Variants in CCDC13 observed in about 807,000 individuals in gnomAD.
CCDC13 encodes coiled-coil domain containing 13.
CCDC13 carries 70 observed loss-of-function variants against 87.3 expected under a neutral mutation model. The ratio of observed to expected loss-of-function variants is 0.80; its 90% CI spans 0.66 to 0.98. CCDC13 has a LOEUF of 0.98. Ranked by LOEUF, CCDC13 falls within the 50% of genes least tolerant of loss-of-function variation. The pLI is 0.00. For synonymous variants in CCDC13, 317 were observed against 360.3 expected, an observed-to-expected ratio of 0.88 and a Z score of 1.36; for missense variants, 842 against 892.0, an observed-to-expected ratio of 0.94 and a Z score of 0.71.
intron 6 of CCDC13, chr3:42,746,379 T>C: frequency 4.2e-6 from 1 of 238,946 alleles, no homozygotes; most frequent in Non-Finnish European, 8.3e-6. Flanking sequence ...AGTGCTGAGC[T>C]AATTCTGGCT....
chr3:42,730,023 G>C (rs1208691080), intron 13 of CCDC13, among the ~76,000 whole-genome samples: 1 of 152,056 alleles, frequency 6.6e-6, no homozygotes, highest in Non-Finnish European at 1.5e-5. Flanking sequence ...CTCAGGCCTC[G>C]TGCTTCCCTC....
chr3:42,732,240 C>T (rs11129969), intron 12 of CCDC13, among the ~76,000 whole-genome samples: 35,309 of 152,096 alleles, frequency 0.23, 4,361 homozygotes, highest in Non-Finnish European at 0.28. Flanking sequence ...CCCCACTTTT[C>T]GGGGATAGCA....
chr3:42,744,786 T>C (rs1484451963), intron 7 of CCDC13, among the ~76,000 whole-genome samples: 3 of 117,124 alleles, frequency 2.6e-5, no homozygotes, highest in East Asian at 4.8e-4. Context: ...GCCTGGGTGA[T>C]AGAGCGAGAC....
At position 42,713,128 on chromosome 3, in the gene CCDC13, C is replaced by A. The variant is rs558135348; in HGVS notation, c.1873+34G>T. On this transcript the variant is annotated intron_variant, in intron 14 of 15. Transcript: ENST00000310232. ...TCTGTTAGCAGCAACACTGCCTCCA[C>A]CCCCTGCACTGAGACTACTGCCCTG... 603 of 1,604,918 alleles carry A rather than the reference C, an allele frequency of 3.8e-4. 8 individuals carry two copies. In the South Asian group the frequency reaches 6.0e-3, roughly 16 times the overall value.
chr3:42,762,481 G>C (rs1294319616), intron 1 of CCDC13, among the ~76,000 whole-genome samples: 1 of 152,180 alleles, frequency 6.6e-6, no homozygotes, highest in Non-Finnish European at 1.5e-5. Context: ...GCTGGAGGGG[G>C]CTGGAGATCG....
At chr3:42,718,281 G>A (rs1388578739) in intron 13 of CCDC13, 1 of 152,176 alleles carries the variant, frequency 6.6e-6, no homozygotes, top group African/African-American at 2.4e-5. Flanking sequence ...TGTCCTCACT[G>A]CTACACTCCC....
At chr3:42,721,059 G>A (rs984871664) in intron 13 of CCDC13, among the ~76,000 whole-genome samples, 3 of 152,186 alleles carry the variant, frequency 2.0e-5, no homozygotes, top group African/African-American at 7.2e-5. Flanking sequence ...ATATGAAATA[G>A]TGTTTGGCTT....
rs979638535 is a variant in CCDC13, at chr3:42,736,751, C to A, written c.1165-838G>T. On this transcript the variant is annotated intron_variant, in intron 9 of 15. Transcript: ENST00000310232. ...GGTAGGTGCCTGAGCCAGCACCCCC[C>A]AAACACCCCAGCCAAGCCAGACATG... is the stretch of plus-strand genomic sequence containing the variant. 5.9e-5 allele frequency among the ~76,000 whole-genome samples: 9 copies of A among 152,086 alleles called. No homozygotes were observed. The East Asian group carries it at 1.5e-3, about 26-fold the overall frequency.
intron 1 of CCDC13, among the ~76,000 whole-genome samples, chr3:42,767,819 A>G (rs1176075341): frequency 1.3e-5 from 2 of 152,128 alleles, no homozygotes; most frequent in Admixed American, 6.6e-5. Context: ...TACTAAAAAT[A>G]CAAAAATTGC....
At chr3:42,759,621 T>C (rs1699787302) in intron 1 of CCDC13, among the ~76,000 whole-genome samples, 1 of 152,214 alleles carries the variant, frequency 6.6e-6, no homozygotes, top group African/African-American at 2.4e-5. Flanking sequence ...TTGCACACAT[T>C]ATAAGCTCAT....
At chr3:42,724,859 C>G (rs1004972458) in intron 13 of CCDC13, among the ~76,000 whole-genome samples, 1 of 152,028 alleles carries the variant, frequency 6.6e-6, no homozygotes, top group Non-Finnish European at 1.5e-5. Flanking sequence ...AGGTTTCCCC[C>G]TACCTAAGAA....
chr3:42,752,568 C>T lies in CCDC13; in HGVS notation c.513+7G>A. 6 of 1,614,060 alleles carry T rather than the reference C, an allele frequency of 3.7e-6. No individual in the cohort carries two copies. Among genetic ancestry groups the T allele is most frequent in the Non-Finnish European group, 5.1e-6 (6 of 1,180,024 alleles). Reference sequence around the variant, plus strand: ...CCTCCAGAGGGAGAATGACCAAGGCCCCTCACTTCCCGCTCCAGCTCCTGG... The same window carrying T: ...CCTCCAGAGGGAGAATGACCAAGGCTCCTCACTTCCCGCTCCAGCTCCTGG... On this transcript the variant is annotated splice_region_variant and intron_variant, in intron 4 of 15. Transcript: ENST00000310232.
At position 42,717,629 on chromosome 3, in the gene CCDC13, G is replaced by A. The variant is rs532045922; in HGVS notation, c.1719-4313C>T. On this transcript the variant is annotated intron_variant, in intron 13 of 15. Transcript: ENST00000310232. ...ATGGTTAAAATGACAAATGTTTGGT[G>A]TATATAGCTTACCACAATTAAAACA... Among the ~76,000 whole-genome samples the A allele has an allele frequency of 3.3e-5, 5 of 152,306 alleles. No individual in the cohort carries two copies. The East Asian group carries it at 9.6e-4, about 29-fold the overall frequency.
At chr3:42,731,476 TG>T (rs2125882274) in intron 12 of CCDC13, among the ~76,000 whole-genome samples, 1 of 152,170 alleles carries the variant, frequency 6.6e-6, no homozygotes, top group African/African-American at 2.4e-5. Context: ...CTACTACAAG[TG>T]GTCTCTGAAT....
intron 7 of CCDC13, chr3:42,745,023 G>A (rs1699354665): frequency 6.6e-6 from 1 of 152,078 alleles, no homozygotes; most frequent in African/African-American, 2.4e-5. Context: ...CGTAAACTCA[G>A]GTCTCTTGAA....
At chr3:42,727,264 C>T (rs1202035243) in intron 13 of CCDC13, among the ~76,000 whole-genome samples, 4 of 151,764 alleles carry the variant, frequency 2.6e-5, no homozygotes, top group Admixed American at 1.3e-4. Context: ...CCCAGCTACT[C>T]GGGAGGCTGA....
chr3:42,723,806 A>G (rs1575280207), intron 13 of CCDC13, among the ~76,000 whole-genome samples: 1 of 152,346 alleles, frequency 6.6e-6, no homozygotes, highest in East Asian at 1.9e-4. Flanking sequence ...TAACCCATCA[A>G]TAGAAGAATG....
intron 1 of CCDC13, among the ~76,000 whole-genome samples, chr3:42,761,472 A>T (rs776560226): frequency 6.6e-6 from 1 of 151,880 alleles, no homozygotes; most frequent in Non-Finnish European, 1.5e-5. Context: ...TTATATTTTG[A>T]TTTGTTTACT....
Position 42,762,893 on chromosome 3 carries a change from G to A in CCDC13, c.-6-4542C>T, listed in dbSNP as rs895952337. On this transcript the variant is annotated intron_variant, in intron 1 of 15. Transcript: ENST00000310232. ...GAGCCCAGGAGGTTGAGACTACAAT[G>A]AGCTGTGATCGCGCCACTGCACTCT... Among the ~76,000 whole-genome samples, 9 of 152,150 alleles carry A rather than the reference G, an allele frequency of 5.9e-5. 1 individual carries two copies. The highest frequency in any genetic ancestry group is 2.2e-4 in the African/African-American group (9 of 41,432).
Sources: gnomAD v4.1 joint callset for allele counts (sites outside exome capture counted in the v4.1 genomes callset) on GRCh38, gnomAD v4.1.1 for gene constraint, MANE v1.5 for transcripts, NCBI Gene and HGNC (gene_info 2026-07-23, HGNC 2026-07-21) for gene names.